The following TEX11 variants were observed in gnomAD, a reference collection of about 807,000 sequenced individuals.
The protein encoded by TEX11 is testis expressed 11.
Under a neutral mutation model 84.4 loss-of-function variants are expected in TEX11, and 7 were observed. The observed-to-expected ratio is 0.08, with a 90% CI of 0.05 to 0.16. TEX11 has a LOEUF of 0.16. Among genes scored for constraint, TEX11 ranks in the 10% least tolerant of loss-of-function variants. The pLI, the probability that TEX11 is intolerant of heterozygous loss-of-function variation, is 1.00. For synonymous variants in TEX11, 264 were observed against 222.8 expected (o/e 1.18, Z -1.64); for missense variants, 551 against 660.5 (o/e 0.83, Z 1.82).
chrX:70,763,282 T>C (rs1057507090), intron 9 of TEX11, among the ~76,000 whole-genome samples: 2 of 111,566 alleles, frequency 1.8e-5, no homozygotes, highest in African/African-American at 3.3e-5. Context: ...AACAAAATAA[T>C]GGCCTTTGCA....
Position 70,678,879 on chromosome X carries a change from T to A in TEX11, c.1167A>T (p.Thr389=). The A allele has an allele frequency of 8.7e-7, 1 of 1,152,933 alleles. No individual in the cohort carries two copies. Among genetic ancestry groups the A allele is most frequent in the Non-Finnish European group, 1.1e-6 (1 of 871,200 alleles). The part of the protein sequence containing the change: ...KIEEIFLAHQ[T]GRQLTAESMN... The stretch of plus-strand genomic sequence containing the variant: ...TTGATTCTGCTGTCAGTTGTCTTCC[T>A]GTTTGGTGAGCTGAAAAAAAAAAAA... Residue 389 remains threonine, a synonymous_variant, in exon 15 of 30, where the codon ACA becomes ACT. Transcript: ENST00000374333.
downstream of TEX11, among the ~76,000 whole-genome samples, chrX:70,524,808 G>A (rs1174801102): frequency 8.9e-6 from 1 of 111,891 alleles, no homozygotes; most frequent in East Asian, 2.8e-4. Flanking sequence ...CAGGGGATCC[G>A]CCTGCCTCGG....
chrX:70,713,901 T>A (rs2090467548), intron 13 of TEX11, among the ~76,000 whole-genome samples: 1 of 112,109 alleles, frequency 8.9e-6, no homozygotes. Flanking sequence ...CAATTTTAGA[T>A]CTTTCCTGCT....
intron 9 of TEX11, among the ~76,000 whole-genome samples, chrX:70,750,933 A>AATATATATATATATATATAT (rs1169707708): frequency 2.8e-3 from 80 of 28,124 alleles, no homozygotes; most frequent in Non-Finnish European, 4.8e-3. Context: ...AAAAAAAAAA[A>AATATATATATATATATATAT]ATATATATAT....
intron 17 of TEX11, among the ~76,000 whole-genome samples, chrX:70,649,924 A>G (rs1449794767): frequency 8.9e-6 from 1 of 112,188 alleles, no homozygotes; most frequent in Non-Finnish European, 1.9e-5. Context: ...TGGTGAATGC[A>G]TTTTTCCATA....
At chrX:70,657,486 G>T (rs921604169) in intron 16 of TEX11, among the ~76,000 whole-genome samples, 57 of 107,467 alleles carry the variant, frequency 5.3e-4, no homozygotes, top group Non-Finnish European at 5.8e-4. Context: ...AGCATCAGCA[G>T]CAGCAAAGTA....
intron 8 of TEX11, among the ~76,000 whole-genome samples, chrX:70,813,679 T>C (rs1421787494): frequency 1.8e-5 from 2 of 111,723 alleles, no homozygotes; most frequent in Non-Finnish European, 3.8e-5. Context: ...GCAGATGACA[T>C]GATTGTATAT....
chrX:70,601,951 C>T (rs756722139), intron 24 of TEX11, among the ~76,000 whole-genome samples: 5 of 111,057 alleles, frequency 4.5e-5, no homozygotes, highest in South Asian at 3.9e-4. Context: ...CACACAGACC[C>T]GGCAACCATC....
intron 11 of TEX11, among the ~76,000 whole-genome samples, chrX:70,733,033 C>T (rs896763470): frequency 7.2e-5 from 8 of 111,594 alleles, no homozygotes; most frequent in South Asian, 7.5e-4. Flanking sequence ...ACAAATCTGA[C>T]AAAAACAAGC....
At chrX:70,559,251 T>A (rs1603062567) in intron 25 of TEX11, among the ~76,000 whole-genome samples, 2 of 112,357 alleles carry the variant, frequency 1.8e-5, no homozygotes, top group South Asian at 7.4e-4. Flanking sequence ...AGTAATGAAG[T>A]ACTGACATGC....
intron 8 of TEX11, among the ~76,000 whole-genome samples, chrX:70,809,732 C>T (rs1028193626): frequency 2.7e-5 from 3 of 110,329 alleles, no homozygotes; most frequent in Non-Finnish European, 3.8e-5. Flanking sequence ...AGAGTCACTC[C>T]GTCGCCCAGG....
chrX:70,772,585 T>C (rs1255387685), intron 9 of TEX11, among the ~76,000 whole-genome samples: 1 of 110,665 alleles, frequency 9.0e-6, no homozygotes, highest in Non-Finnish European at 1.9e-5. Flanking sequence ...AAAAATTCTT[T>C]TTAAATAATA....
Position 70,623,966 on chromosome X carries a change from G to C in TEX11, c.1735C>G (p.Pro579Ala). 8.3e-7 allele frequency: 1 copy of C among 1,203,044 alleles called. No homozygotes were observed. Among genetic ancestry groups the C allele is most frequent in the Non-Finnish European group, 1.1e-6 (1 of 890,984 alleles). Residue 579 changes from proline to alanine, a missense_variant, in exon 20 of 30, where the codon CCG becomes GCG. Pro to Ala is a conservative substitution (Grantham distance 27, BLOSUM62 -1). Transcript: ENST00000374333. ...RFLLPKIAEM[P>A]ESEDKKKEMD... ...ATAACTCACTTATCTTCAGATTCCG[G>C]CATTTCAGCAATTTTTGGAAGAAGA...
At chrX:70,892,775 C>A (rs1483119547) in intron 2 of TEX11, among the ~76,000 whole-genome samples, 8 of 108,486 alleles carry the variant, frequency 7.4e-5, no homozygotes, top group African/African-American at 2.7e-4. Context: ...GATAAAGAGT[C>A]AAGACCCATC....
chrX:70,623,129 A>T (rs971241915), intron 20 of TEX11, among the ~76,000 whole-genome samples: 1 of 111,813 alleles, frequency 8.9e-6, no homozygotes, highest in African/African-American at 3.2e-5. Flanking sequence ...GTCCTATGTT[A>T]CCTCAGTCAA....
At chrX:70,897,454 G>C (rs1390265833) in intron 2 of TEX11, 1 of 105,761 alleles carries the variant, frequency 9.5e-6, no homozygotes, top group Non-Finnish European at 1.9e-5. Context: ...GCTGGGCGTA[G>C]TGGCATGCAC....
chrX:70,683,812 C>T (rs1190430657), intron 13 of TEX11, among the ~76,000 whole-genome samples: 1 of 111,854 alleles, frequency 8.9e-6, no homozygotes, highest in Non-Finnish European at 1.9e-5. Context: ...ATGTGTGGAA[C>T]TGGCATAAAG....
chrX:70,584,076 G>A (rs1367055149), intron 25 of TEX11, among the ~76,000 whole-genome samples: 6 of 107,210 alleles, frequency 5.6e-5, no homozygotes, highest in Admixed American at 4.0e-4. Flanking sequence ...TCAGGAGATC[G>A]AGACCATCCT....
intron 16 of TEX11, among the ~76,000 whole-genome samples, chrX:70,666,563 C>A (rs1485128716): frequency 1.8e-5 from 2 of 111,819 alleles, no homozygotes; most frequent in African/African-American, 6.5e-5. Context: ...AGCACAAAAG[C>A]CCTCACCAGA....
Sources: allele counts gnomAD v4.1 joint callset (sites outside exome capture counted in the v4.1 genomes callset), GRCh38; gene constraint gnomAD v4.1.1; transcripts MANE v1.5; gene names NCBI Gene and HGNC (gene_info 2026-07-23, HGNC 2026-07-21).